The following MAP6 variants were observed in gnomAD, a reference collection of about 807,000 sequenced individuals.
The protein encoded by MAP6 is microtubule-associated protein 6.
Under a neutral mutation model 42.4 loss-of-function variants are expected in MAP6, and 26 were observed. The ratio of observed to expected loss-of-function variants is 0.61; its 90% CI spans 0.45 to 0.85. MAP6 has a LOEUF of 0.85. MAP6 is among the 40% of genes least tolerant of loss of function. The pLI, the probability that MAP6 is intolerant of heterozygous loss-of-function variation, is 0.00. For synonymous variants in MAP6, 418 were observed against 443.8 expected (o/e 0.94, Z 0.73); for missense variants, 966 against 1,099.0 (o/e 0.88, Z 1.71).
intron 3 of MAP6, among the ~76,000 whole-genome samples, chr11:75,599,842 G>C (rs547037215): frequency 6.6e-6 from 1 of 152,302 alleles, no homozygotes; most frequent in East Asian, 1.9e-4. Context: ...TGACCAAGCT[G>C]GCAGGTGTCC....
rs995106116 is a variant in MAP6, at chr11:75,653,341, C to T, written c.905+14124G>A. ...AAATCCTCGGGAGGAGTCCTTGGGG[C>T]CCCTGGGCTTTTTGAGGAGATGCAG... On this transcript the variant is annotated intron_variant, in intron 1 of 3. Coordinates refer to ENST00000304771, the MANE Select transcript of MAP6 (RefSeq NM_033063.2). Among the ~76,000 whole-genome samples the T allele has an allele frequency of 2.6e-5, 4 of 152,264 alleles. No individual in the cohort carries two copies. The South Asian group carries it at 8.3e-4, about 32-fold the overall frequency.
intron 1 of MAP6, among the ~76,000 whole-genome samples, chr11:75,637,310 T>C (rs942146267): frequency 6.6e-6 from 1 of 152,202 alleles, no homozygotes; most frequent in East Asian, 1.9e-4. Flanking sequence ...CTTTCAATCA[T>C]GCAAGAAAAG....
intron 2 of MAP6, among the ~76,000 whole-genome samples, chr11:75,607,008 C>A (rs1942790618): frequency 6.6e-6 from 1 of 152,208 alleles, no homozygotes; most frequent in Admixed American, 6.5e-5. Flanking sequence ...GGTGCCACAC[C>A]ATCTCTGGAT....
rs1322413176 is a variant in MAP6 at position 75,667,156 on chromosome 11, G to C, written c.905+309C>G. On this transcript the variant is annotated intron_variant, in intron 1 of 3. Coordinates refer to ENST00000304771, the MANE Select transcript of MAP6 (RefSeq NM_033063.2). This position sits in a 1 kb window ranked among gnomAD's most constrained non-coding sequence, Gnocchi z 5.6. ...GGGGCACGACGGAAGCACAGCCTCT[G>C]CTGACATTGCAAAGGGTCTCTGTGG... Among the ~76,000 whole-genome samples, 1 of 152,168 alleles carries C rather than the reference G, an allele frequency of 6.6e-6. No individual in the cohort carries two copies. The highest frequency in any genetic ancestry group is 1.5e-5 in the Non-Finnish European group (1 of 68,034).
intron 1 of MAP6, among the ~76,000 whole-genome samples, chr11:75,633,805 G>A (rs1353522054): frequency 1.3e-5 from 2 of 152,210 alleles, no homozygotes; most frequent in Non-Finnish European, 2.9e-5. Flanking sequence ...GGGAGCTAAC[G>A]AGGAGTAGGA....
chr11:75,615,944 G>C (rs1439683186), intron 1 of MAP6, among the ~76,000 whole-genome samples: 3 of 138,096 alleles, frequency 2.2e-5, no homozygotes, highest in Admixed American at 2.2e-4. Flanking sequence ...GGAGCCAACA[G>C]GAGTGCGCGG....
intron 1 of MAP6, among the ~76,000 whole-genome samples, chr11:75,636,357 C>A (rs895012740): frequency 2.6e-5 from 4 of 152,198 alleles, no homozygotes; most frequent in African/African-American, 7.2e-5. Flanking sequence ...TTGAAATAAT[C>A]TCTTCCTCTT....
chr11:75,664,711 A>T (rs12281880), intron 1 of MAP6, among the ~76,000 whole-genome samples: 11,099 of 152,318 alleles, frequency 0.073, 593 homozygotes, highest in East Asian at 0.14. Context: ...TATCCTAGAA[A>T]CATAGCAAGG....
At chr11:75,603,854 A>G in intron 3 of MAP6, 2 of 985,480 alleles carry the variant, frequency 2.0e-6, no homozygotes, top group African/African-American at 1.7e-5. Context: ...TGATTATTCT[A>G]TGGAGAAATC....
rs200138468 is a variant in MAP6 at position 75,639,203 on chromosome 11, G to A, written c.905+28262C>T. ...GAATTACTTAATGGCTACAATATAC[G>A]CTATTTGGGTGATGGGTACACTAAA... On this transcript the variant is annotated intron_variant, in intron 1 of 3. Coordinates refer to ENST00000304771, the MANE Select transcript of MAP6 (RefSeq NM_033063.2). Among the ~76,000 whole-genome samples the A allele has an allele frequency of 1.1e-4, 16 of 152,174 alleles. No individual in the cohort carries two copies. The East Asian group carries it at 2.7e-3, about 26-fold the overall frequency.
intron 1 of MAP6, among the ~76,000 whole-genome samples, chr11:75,612,606 G>A (rs780880194): frequency 1.2e-4 from 18 of 152,322 alleles, no homozygotes; most frequent in South Asian, 8.3e-4. Flanking sequence ...CTGGGGTCTT[G>A]GAGGCTGTGC....
chr11:75,654,377 T>A (rs189318095), intron 1 of MAP6, among the ~76,000 whole-genome samples: 1 of 152,276 alleles, frequency 6.6e-6, no homozygotes, highest in East Asian at 1.9e-4. Flanking sequence ...TGGAACTAAC[T>A]CCTAAGCTTT....
chr11:75,640,775 C>T lies in MAP6; in HGVS notation c.905+26690G>A, dbSNP rs557143908. ...CCATCAGAGAAATGCAAATCAAAACCGCAATGAGATACCATCTCACACCAG... is the reference window on the plus strand; with the variant it reads ...CCATCAGAGAAATGCAAATCAAAACTGCAATGAGATACCATCTCACACCAG... On this transcript the variant is annotated intron_variant, in intron 1 of 3. Coordinates refer to ENST00000304771, the MANE Select transcript of MAP6 (RefSeq NM_033063.2). 1.6e-4 allele frequency among the ~76,000 whole-genome samples: 25 copies of T among 152,226 alleles called. No homozygotes were observed. The South Asian group carries it at 4.4e-3, about 27-fold the overall frequency.
intron 1 of MAP6, among the ~76,000 whole-genome samples, chr11:75,658,923 T>G (rs1202235409): frequency 1.3e-5 from 2 of 152,236 alleles, no homozygotes; most frequent in Non-Finnish European, 2.9e-5. Context: ...CTCTTCTCTG[T>G]GCTCCACCAT....
intron 1 of MAP6, among the ~76,000 whole-genome samples, chr11:75,656,256 G>C (rs1317420027): frequency 6.6e-6 from 1 of 152,178 alleles, no homozygotes; most frequent in Non-Finnish European, 1.5e-5. Context: ...CATTGTTTCA[G>C]GGATGCACTT....
chr11:75,646,499 T>TAAAA lies in MAP6; in HGVS notation c.905+20962_905+20965dup, dbSNP rs763735730. Among the ~76,000 whole-genome samples the TAAAA allele has an allele frequency of 5.4e-4, 36 of 66,674 alleles. 2 individuals are homozygous for TAAAA. The highest frequency in any genetic ancestry group is 2.4e-3 in the African/African-American group (34 of 14,134). 43.7% of individuals were successfully genotyped at this position (66,674 alleles called of 152,430 possible). ...CAACATGGTGAAAACCCATCTCTAT[T>TAAAA]AAAAAAAAAAAAAAAAAAAAAAAAG... is the stretch of plus-strand genomic sequence containing the variant. On this transcript the variant is annotated intron_variant, in intron 1 of 3. Coordinates refer to ENST00000304771, the MANE Select transcript of MAP6 (RefSeq NM_033063.2).
At chr11:75,663,096 G>T (rs1352927060) in intron 1 of MAP6, among the ~76,000 whole-genome samples, 1 of 151,738 alleles carries the variant, frequency 6.6e-6, no homozygotes, top group East Asian at 1.9e-4. Flanking sequence ...TGAGTAGCTG[G>T]GATTACAGGC....
chr11:75,625,874 A>T (rs969754064), intron 1 of MAP6, among the ~76,000 whole-genome samples: 3 of 152,192 alleles, frequency 2.0e-5, no homozygotes, highest in Admixed American at 1.3e-4. Context: ...TGGAGGATCA[A>T]GGCCAGACTC....
intron 3 of MAP6, among the ~76,000 whole-genome samples, chr11:75,595,079 T>A (rs1235118505): frequency 2.6e-5 from 4 of 152,256 alleles, no homozygotes; most frequent in Non-Finnish European, 2.9e-5. Context: ...GATAGACTGC[T>A]GGGCCATGGG....
Sources: gnomAD v4.1 joint callset for allele counts (sites outside exome capture counted in the v4.1 genomes callset) on GRCh38, gnomAD v4.1.1 for gene constraint, Gnocchi (gnomAD v3.1) non-coding constraint, MANE v1.5 for transcripts, NCBI Gene and HGNC (gene_info 2026-07-23, HGNC 2026-07-21) for gene names.